Variants in PAK5 observed in about 807,000 individuals in gnomAD.
The protein encoded by PAK5 is p21 (RAC1) activated kinase 5.
In PAK5, 16 loss-of-function variants were observed where a neutral mutation model predicts 65.9. That is an observed-to-expected ratio of 0.24 (90% CI 0.16 to 0.37). The LOEUF is 0.37. Among genes scored for constraint, PAK5 ranks in the 10% least tolerant of loss-of-function variants. The pLI is 1.00. For synonymous variants in PAK5, 371 were observed against 354.9 expected, an observed-to-expected ratio of 1.05 and a Z score of -0.51; for missense variants, 785 against 903.9, an observed-to-expected ratio of 0.87 and a Z score of 1.69.
chr20:9,542,484 AG>A, intron 9 of PAK5, 101 bp downstream of exon 9: 1 of 1,147,998 alleles, frequency 8.7e-7, no homozygotes, highest in Non-Finnish European at 1.3e-6. Context: ...CTCATAAACC[AG>A]GATCTTCCTG....
At chr20:9,640,870 T>A (rs527483738) in intron 3 of PAK5, among the ~76,000 whole-genome samples, 1 of 152,306 alleles carries the variant, frequency 6.6e-6, no homozygotes, top group South Asian at 2.1e-4. Flanking sequence ...CGGTGAGTGT[T>A]ACAGCTCATA....
intron 1 of PAK5, among the ~76,000 whole-genome samples, chr20:9,798,149 T>G (rs2049126946): frequency 6.6e-6 from 1 of 152,138 alleles, no homozygotes. Flanking sequence ...TGGAATGGGT[T>G]TACCAGTTAT....
chr20:9,608,751 A>T (rs948530279), intron 3 of PAK5, among the ~76,000 whole-genome samples: 1 of 152,222 alleles, frequency 6.6e-6, no homozygotes, highest in Admixed American at 6.5e-5. Context: ...CTGAAACACT[A>T]TTTGAATCAT....
intron 1 of PAK5, among the ~76,000 whole-genome samples, chr20:9,793,896 T>C (rs2049076683): frequency 6.6e-6 from 1 of 152,172 alleles, no homozygotes; most frequent in Admixed American, 6.6e-5. Flanking sequence ...ACTGCAGCAC[T>C]ATTTACAATA....
chr20:9,655,754 A>G (rs2047259367), intron 2 of PAK5, among the ~76,000 whole-genome samples: 1 of 152,198 alleles, frequency 6.6e-6, no homozygotes. Flanking sequence ...AAAGTAACAC[A>G]GATTGGGTGG....
chr20:9,689,338 G>T (rs1237604765), intron 2 of PAK5, among the ~76,000 whole-genome samples: 2 of 152,154 alleles, frequency 1.3e-5, no homozygotes. Context: ...CAGCCTAATT[G>T]TCTACTCAGC....
At chr20:9,625,273 T>A (rs1211924469) in intron 3 of PAK5, among the ~76,000 whole-genome samples, 1 of 152,242 alleles carries the variant, frequency 6.6e-6, no homozygotes, top group Non-Finnish European at 1.5e-5. Flanking sequence ...GTTCTCACTC[T>A]CTGCCCGGAC....
intron 2 of PAK5, among the ~76,000 whole-genome samples, chr20:9,706,695 A>C (rs1482060814): frequency 1.3e-5 from 2 of 150,028 alleles, no homozygotes; most frequent in Non-Finnish European, 3.0e-5. Context: ...TTTTGTAGAG[A>C]TGGGGTTTCG....
At chr20:9,575,422 A>C (rs1343750526) in intron 4 of PAK5, among the ~76,000 whole-genome samples, 1 of 152,212 alleles carries the variant, frequency 6.6e-6, no homozygotes, top group Non-Finnish European at 1.5e-5. Context: ...ACAGCTACTA[A>C]GCGCTTGAAT....
At chr20:9,679,391 G>T (rs1231594404) in intron 2 of PAK5, among the ~76,000 whole-genome samples, 1 of 152,044 alleles carries the variant, frequency 6.6e-6, no homozygotes, top group Non-Finnish European at 1.5e-5. Context: ...ATTGTTCAAG[G>T]GTCCACTGTC....
chr20:9,641,593 T>C (rs915436329), intron 3 of PAK5, among the ~76,000 whole-genome samples: 6 of 151,918 alleles, frequency 3.9e-5, no homozygotes, highest in African/African-American at 1.4e-4. Context: ...GCGCTCACAT[T>C]CCTCAGCCCT....
intron 2 of PAK5, among the ~76,000 whole-genome samples, chr20:9,693,140 G>T (rs2047820425): frequency 6.6e-6 from 1 of 152,026 alleles, no homozygotes; most frequent in South Asian, 2.1e-4. Flanking sequence ...TCCGTGGATG[G>T]CAAATAAGTC....
chr20:9,560,559 G>T (rs899870440), intron 6 of PAK5, among the ~76,000 whole-genome samples: 1 of 152,040 alleles, frequency 6.6e-6, no homozygotes, highest in Non-Finnish European at 1.5e-5. Context: ...ACAGGGTCTC[G>T]CTAAGTTGCC....
intron 2 of PAK5, among the ~76,000 whole-genome samples, chr20:9,688,135 A>G (rs895722812): frequency 6.6e-6 from 1 of 152,048 alleles, no homozygotes; most frequent in African/African-American, 2.4e-5. Context: ...CTGGCCAGAG[A>G]ACAGCCATGG....
At chr20:9,742,013 A>G (rs996651854) in intron 1 of PAK5, among the ~76,000 whole-genome samples, 2 of 152,178 alleles carry the variant, frequency 1.3e-5, no homozygotes, top group Admixed American at 6.5e-5. Flanking sequence ...TGGAGGTTGG[A>G]CGCTAACGGT....
intron 2 of PAK5, among the ~76,000 whole-genome samples, chr20:9,701,868 C>A (rs1384260715): frequency 6.6e-6 from 1 of 151,846 alleles, no homozygotes; most frequent in Non-Finnish European, 1.5e-5. Context: ...GGTGTGGTGG[C>A]CTGCACCTGT....
intron 1 of PAK5, among the ~76,000 whole-genome samples, chr20:9,806,760 A>G (rs1384288738): frequency 6.6e-6 from 1 of 152,190 alleles, no homozygotes; most frequent in Admixed American, 6.5e-5. Flanking sequence ...GCTAGCTATT[A>G]TTATTCATAT....
chr20:9,778,768 C>A (rs1445420414), intron 1 of PAK5, among the ~76,000 whole-genome samples: 1 of 152,000 alleles, frequency 6.6e-6, no homozygotes, highest in Non-Finnish European at 1.5e-5. Flanking sequence ...TTTTCTATGC[C>A]CTTTTCACCC....
intron 3 of PAK5, among the ~76,000 whole-genome samples, chr20:9,597,996 G>A (rs1490242774): frequency 1.3e-5 from 2 of 152,216 alleles, no homozygotes; most frequent in Non-Finnish European, 2.9e-5. Flanking sequence ...TGTGGAGGAC[G>A]TGCAGTTTTA....
Sources: allele counts gnomAD v4.1 joint callset (sites outside exome capture counted in the v4.1 genomes callset), GRCh38; gene constraint gnomAD v4.1.1; transcripts MANE v1.5; gene names NCBI Gene and HGNC (gene_info 2026-07-23, HGNC 2026-07-21).